NELL2: variants seen among roughly 807,000 people sequenced by gnomAD.
NELL2 encodes the protein protein kinase C-binding protein NELL2.
NELL2 carries 41 observed loss-of-function variants against 109.6 expected under a neutral mutation model. The observed-to-expected ratio is 0.37, with a 90% CI of 0.29 to 0.49. The LOEUF (loss-of-function observed/expected upper bound fraction) is 0.49, where lower values mean the gene tolerates loss of function less well. Among genes scored for constraint, NELL2 ranks in the 20% least tolerant of loss-of-function variants. The probability of loss-of-function intolerance (pLI) is 0.98; values close to 1 mark genes in which losing one functional copy is unlikely to be tolerated. For missense variants in NELL2, 900 were observed against 1,008.3 expected, an observed-to-expected ratio of 0.89 and a Z score of 1.45; for synonymous variants, 355 against 344.7, an observed-to-expected ratio of 1.03 and a Z score of -0.33.
chr12:44,719,733 A>G (rs1179058499), intron 9 of NELL2, among the ~76,000 whole-genome samples: 1 of 152,106 alleles, frequency 6.6e-6, no homozygotes, highest in East Asian at 1.9e-4. Flanking sequence ...TTCCAATGGT[A>G]TTGTTTGAAA....
intron 15 of NELL2, among the ~76,000 whole-genome samples, chr12:44,560,960 C>T (rs1169837989): frequency 6.6e-6 from 1 of 152,174 alleles, no homozygotes; most frequent in African/African-American, 2.4e-5. Flanking sequence ...AATCCAGCAG[C>T]ACATCAAAAA....
At chr12:44,761,436 A>C (rs186084763) in intron 9 of NELL2, among the ~76,000 whole-genome samples, 310 of 152,376 alleles carry the variant, frequency 2.0e-3, no homozygotes, top group African/African-American at 7.3e-3. Context: ...GTGGGAACGT[A>C]AATTATTAGA....
At position 44,654,330 on chromosome 12, in the gene NELL2, C is replaced by G. The variant is rs568513390; in HGVS notation, c.1444+11154G>C. On this transcript the variant is annotated intron_variant, in intron 13 of 19. Coordinates refer to ENST00000429094, the MANE Select transcript of NELL2 (RefSeq NM_001145108.2). ...ACCATACATTTTTACTACTCTAACT[C>G]TCTCTACTCTTGTCCTTCAACCTGA... Among the ~76,000 whole-genome samples, 8 of 152,296 alleles carry G rather than the reference C, an allele frequency of 5.3e-5. No homozygotes were observed. The South Asian group carries it at 1.5e-3, about 28-fold the overall frequency.
At chr12:44,759,982 A>T (rs1170232025) in intron 9 of NELL2, among the ~76,000 whole-genome samples, 1 of 152,138 alleles carries the variant, frequency 6.6e-6, no homozygotes, top group Non-Finnish European at 1.5e-5. Context: ...GTTACTGGGG[A>T]CTTTGGAACC....
intron 2 of NELL2, among the ~76,000 whole-genome samples, chr12:44,828,666 C>A (rs1205343972): frequency 6.6e-6 from 1 of 151,764 alleles, no homozygotes; most frequent in East Asian, 1.9e-4. Context: ...TGACCTTAAG[C>A]AAATCATTTG....
chr12:44,655,326 C>T (rs1416481739), intron 13 of NELL2, among the ~76,000 whole-genome samples: 1 of 152,144 alleles, frequency 6.6e-6, no homozygotes, highest in Non-Finnish European at 1.5e-5. Flanking sequence ...ATGACAGATG[C>T]ATATGATGCT....
At chr12:44,739,969 G>A (rs1039529767) in intron 9 of NELL2, among the ~76,000 whole-genome samples, 1 of 152,138 alleles carries the variant, frequency 6.6e-6, no homozygotes, top group Admixed American at 6.5e-5. Flanking sequence ...TATCATTTGT[G>A]GCTGCTTTCA....
intron 5 of NELL2, among the ~76,000 whole-genome samples, chr12:44,779,280 T>C (rs762214279): frequency 2.0e-5 from 3 of 152,210 alleles, no homozygotes; most frequent in Non-Finnish European, 4.4e-5. Flanking sequence ...GAATAATATA[T>C]ACTAAAAAGC....
chr12:44,570,631 A>G (rs1943831842), intron 15 of NELL2, among the ~76,000 whole-genome samples: 1 of 152,342 alleles, frequency 6.6e-6, no homozygotes, highest in Non-Finnish European at 1.5e-5. Context: ...ACTAATTAAT[A>G]GAACACAATT....
intron 9 of NELL2, among the ~76,000 whole-genome samples, chr12:44,746,547 C>A (rs1025265643): frequency 2.6e-5 from 4 of 152,166 alleles, no homozygotes; most frequent in Admixed American, 2.6e-4. Context: ...GCAACCTACT[C>A]ATCTGACAAA....
chr12:44,717,142 G>A (rs1184702935), intron 9 of NELL2, among the ~76,000 whole-genome samples: 1 of 152,032 alleles, frequency 6.6e-6, no homozygotes, highest in Non-Finnish European at 1.5e-5. Context: ...TAAGTCTAAT[G>A]TTGACATGGA....
intron 2 of NELL2, among the ~76,000 whole-genome samples, chr12:44,839,244 A>C (rs1194892018): frequency 6.6e-6 from 1 of 152,228 alleles, no homozygotes; most frequent in African/African-American, 2.4e-5. Context: ...GCAACCGCAA[A>C]GAAAAATTAT....
At chr12:44,790,950 A>G (rs2136627556) in intron 3 of NELL2, among the ~76,000 whole-genome samples, 1 of 149,696 alleles carries the variant, frequency 6.7e-6, no homozygotes, top group South Asian at 2.1e-4. Flanking sequence ...GGCCTTGTCC[A>G]AAAGGAAAAT....
At chr12:44,568,588 G>A (rs1489987697) in intron 15 of NELL2, among the ~76,000 whole-genome samples, 2 of 151,870 alleles carry the variant, frequency 1.3e-5, no homozygotes, top group African/African-American at 4.8e-5. Flanking sequence ...CAGAATTTGA[G>A]GGATATGTAT....
intron 15 of NELL2, among the ~76,000 whole-genome samples, chr12:44,544,754 T>C (rs1592096353): frequency 6.6e-6 from 1 of 152,214 alleles, no homozygotes; most frequent in Admixed American, 6.6e-5. Context: ...ATATGAAGTA[T>C]GATATGAATG....
At chr12:44,709,533 G>C (rs529726584) in intron 11 of NELL2, among the ~76,000 whole-genome samples, 3 of 152,230 alleles carry the variant, frequency 2.0e-5, no homozygotes, top group African/African-American at 4.8e-5. Flanking sequence ...GAATCACCTA[G>C]CCAAGCCCTG....
At chr12:44,528,651 A>G (rs916615379) in intron 16 of NELL2, among the ~76,000 whole-genome samples, 8 of 152,246 alleles carry the variant, frequency 5.3e-5, no homozygotes, top group African/African-American at 1.9e-4. Flanking sequence ...GCAAACACAA[A>G]CTATGACCTT....
intron 2 of NELL2, among the ~76,000 whole-genome samples, chr12:44,839,110 C>A (rs950030059): frequency 8.7e-6 from 1 of 114,314 alleles, no homozygotes; most frequent in Non-Finnish European, 1.8e-5. Flanking sequence ...TATATTACAC[C>A]ATTCCTGTTC....
chr12:44,811,386 A>G (rs1330752241), intron 3 of NELL2, among the ~76,000 whole-genome samples: 1 of 151,356 alleles, frequency 6.6e-6, no homozygotes, highest in Non-Finnish European at 1.5e-5. Context: ...TTAGAATGCC[A>G]AAAAACTGGC....
Sources: gnomAD v4.1 joint callset for allele counts (sites outside exome capture counted in the v4.1 genomes callset) on GRCh38, gnomAD v4.1.1 for gene constraint, MANE v1.5 for transcripts, NCBI Gene and HGNC (gene_info 2026-07-23, HGNC 2026-07-21) for gene names.